Variants in PIGF observed in about 807,000 individuals in gnomAD.
PIGF encodes the protein GPI ethanolamine phosphate transferase, stabilizing subunit.
Under a neutral mutation model 26.0 loss-of-function variants are expected in PIGF, and 23 were observed. The observed-to-expected ratio is 0.88, with a 90% confidence interval of 0.64 to 1.25. The LOEUF (loss-of-function observed/expected upper bound fraction) is 1.25. PIGF is among the 50% of genes most tolerant of loss of function. The pLI, the probability that PIGF is intolerant of heterozygous loss-of-function variation, is 0.00. For missense variants in PIGF, 278 were observed against 249.9 expected (o/e 1.11, Z -0.76); for synonymous variants, 93 against 92.6 (o/e 1.00, Z -0.03).
At chr2:46,613,151 A>C (rs913942333) in intron 3 of PIGF, among the ~76,000 whole-genome samples, 2 of 152,040 alleles carry the variant, frequency 1.3e-5, no homozygotes, top group Non-Finnish European at 2.9e-5. Flanking sequence ...TCACTGCTAA[A>C]CTGAAGCTTC....
chr2:46,584,041 G>A (rs779030704), intron 5 of PIGF, among the ~76,000 whole-genome samples: 7 of 152,096 alleles, frequency 4.6e-5, no homozygotes, highest in Admixed American at 1.3e-4. Context: ...AGTGGAGCTT[G>A]GATTAATGGG....
In PIGF at chr2:46,589,911, T is replaced by A. The variant is rs1470312436; in HGVS notation, c.546+2564A>T. ...CTCATTTCTTTAGTTTATTAGTAAA[T>A]AACTGCTAAAAGGGCAAGGAGCAGA... On this transcript the variant is annotated intron_variant, in intron 5 of 5. Coordinates refer to ENST00000281382, the MANE Select transcript of PIGF (RefSeq NM_002643.4). The surrounding 1 kb of genome is among the most constrained non-coding windows in gnomAD (Gnocchi z 4.7). 6.6e-6 allele frequency among the ~76,000 whole-genome samples: 1 copy of A among 151,986 alleles called. No individual in the cohort carries two copies. The highest frequency in any genetic ancestry group is 1.5e-5 in the Non-Finnish European group (1 of 67,910).
chr2:46,613,742 C>T lies in PIGF; in HGVS notation c.272G>A (p.Cys91Tyr). ...AACAAAAATTACATGAAAGGAGAAA[C>T]AAGACATAAGAAAGTAGATACAGCA... ...LKCCIYFLMS[C>Y]FSFHVIFVLY... The change falls in exon 3 of 6, where the codon TGT (cysteine) becomes TAT (tyrosine). Residue 91 changes from cysteine (C) to tyrosine (Y), a missense_variant. Coordinates refer to ENST00000281382, the MANE Select transcript of PIGF (RefSeq NM_002643.4). 9 of 1,554,114 alleles carry T rather than the reference C, an allele frequency of 5.8e-6. No individual in the cohort carries two copies. Among genetic ancestry groups the T allele is most frequent in the Non-Finnish European group, 8.0e-6 (9 of 1,132,040 alleles).
intron 5 of PIGF, chr2:46,581,865 T>G: frequency 6.8e-6 from 2 of 295,474 alleles, no homozygotes; most frequent in Non-Finnish European, 1.2e-5. Flanking sequence ...CAAATTAAAA[T>G]TTTGGGTCAG....
intron 4 of PIGF, among the ~76,000 whole-genome samples, chr2:46,608,497 C>T (rs114679891): frequency 0.015 from 2,245 of 152,316 alleles, 28 homozygotes; most frequent in Middle Eastern, 0.044. Flanking sequence ...TCACAAATGT[C>T]CTCAATGGCA....
At chr2:46,596,847 G>A (rs1204091075) in intron 4 of PIGF, among the ~76,000 whole-genome samples, 1 of 152,126 alleles carries the variant, frequency 6.6e-6, no homozygotes, top group East Asian at 1.9e-4. Flanking sequence ...CAATAGTAAT[G>A]TCTACGTTAT....
intron 4 of PIGF, among the ~76,000 whole-genome samples, chr2:46,611,553 G>C (rs1380266317): frequency 6.6e-6 from 1 of 151,234 alleles, no homozygotes; most frequent in African/African-American, 2.4e-5. Context: ...CAATAACACA[G>C]AGCACAGACT....
intron 5 of PIGF, among the ~76,000 whole-genome samples, chr2:46,590,609 A>G (rs569955179): frequency 8.2e-4 from 124 of 151,824 alleles, no homozygotes; most frequent in African/African-American, 2.7e-3. Flanking sequence ...TTTAGATTTA[A>G]TTGCATTACT....
chr2:46,587,313 A>G (rs1028511590), intron 5 of PIGF, among the ~76,000 whole-genome samples: 1 of 152,192 alleles, frequency 6.6e-6, no homozygotes, highest in Non-Finnish European at 1.5e-5. Context: ...ATTTTGCAGT[A>G]ATTCATGTAG....
At chr2:46,602,980 A>G (rs1310133472) in intron 4 of PIGF, among the ~76,000 whole-genome samples, 1 of 152,056 alleles carries the variant, frequency 6.6e-6, no homozygotes, top group Non-Finnish European at 1.5e-5. Context: ...AGACTACCAA[A>G]AACTATTAGA....
intron 4 of PIGF, among the ~76,000 whole-genome samples, chr2:46,605,954 CA>C (rs887882110): frequency 7.9e-5 from 12 of 152,252 alleles, no homozygotes; most frequent in African/African-American, 2.9e-4. Flanking sequence ...AAATGTTTCA[CA>C]TTATAAATTG....
chr2:46,588,255 T>C lies in PIGF; in HGVS notation c.546+4220A>G, dbSNP rs541026302. The C allele has an allele frequency of 4.0e-4, 625 of 1,569,364 alleles. 2 individuals carry two copies. Among genetic ancestry groups the C allele is most frequent in the Non-Finnish European group, 3.3e-4 (380 of 1,160,142 alleles). ...TTGGCATAACTAAATACCAGAGAAA[T>C]AGATAAATTAACAGTCCACTCTACC... On this transcript the variant is annotated intron_variant, in intron 5 of 5. Coordinates refer to ENST00000281382, the MANE Select transcript of PIGF (RefSeq NM_002643.4). This position sits in a 1 kb window ranked among gnomAD's most constrained non-coding sequence, Gnocchi z 4.1.
intron 5 of PIGF, chr2:46,591,509 T>C (rs1669721803): frequency 4.6e-6 from 4 of 867,556 alleles, no homozygotes; most frequent in Non-Finnish European, 5.5e-6. Context: ...TTTAATACCA[T>C]AATTCTTTTT....
chr2:46,603,923 C>A (rs13033177), intron 4 of PIGF, among the ~76,000 whole-genome samples: 34,652 of 151,754 alleles, frequency 0.23, 4,780 homozygotes, highest in Admixed American at 0.32. Context: ...AAGAGACAAC[C>A]CACAGAATGG....
Position 46,613,790 on chromosome 2 carries a change from AAG to A in PIGF, c.229-7_229-6del. The A allele has an allele frequency of 6.5e-7, 1 of 1,529,794 alleles. No individual in the cohort carries two copies. The highest frequency in any genetic ancestry group is 8.9e-7 in the Non-Finnish European group (1 of 1,121,358). The allele number at this position is 1,529,794 out of a possible 1,614,324, so 94.8% of individuals were successfully genotyped here. A position where few individuals can be genotyped will look rare whatever the true frequency, so the allele number is the denominator to read the frequency against. ...GCATTTCAAAAATCCAGTTACCTAA[AAG>A]AGAAATGAATAACCTGAAGATTCAA... is the stretch of plus-strand genomic sequence containing the variant. On this transcript the variant is annotated splice_polypyrimidine_tract_variant and splice_region_variant and intron_variant, in intron 2 of 5. Coordinates refer to ENST00000281382, the MANE Select transcript of PIGF (RefSeq NM_002643.4).
chr2:46,598,531 T>TTTTTTTTTTTTC (rs1413194087), intron 4 of PIGF, among the ~76,000 whole-genome samples: 2 of 119,340 alleles, frequency 1.7e-5, no homozygotes, highest in African/African-American at 6.2e-5. Context: ...ATTATGAGAT[T>TTTTTTTTTTTTC]TTTTTTTTTT....
At chr2:46,605,531 C>T (rs1419373999) in intron 4 of PIGF, among the ~76,000 whole-genome samples, 1 of 152,056 alleles carries the variant, frequency 6.6e-6, no homozygotes, top group Non-Finnish European at 1.5e-5. Context: ...TCTTAAGAAC[C>T]TATTATTTGA....
intron 5 of PIGF, chr2:46,591,871 T>A (rs189751849): frequency 7.7e-7 from 1 of 1,303,804 alleles, no homozygotes; most frequent in Non-Finnish European, 1.0e-6. Flanking sequence ...CTGATGTTTG[T>A]GAGCTTTCTT....
intron 4 of PIGF, among the ~76,000 whole-genome samples, chr2:46,606,700 C>T (rs1322660062): frequency 1.3e-5 from 2 of 152,246 alleles, no homozygotes; most frequent in South Asian, 2.1e-4. Context: ...GAGCTTGCTT[C>T]TCAAACCCTT....
Sources: allele counts gnomAD v4.1 joint callset (sites outside exome capture counted in the v4.1 genomes callset), GRCh38; gene constraint gnomAD v4.1.1; non-coding constraint Gnocchi (gnomAD v3.1); transcripts MANE v1.5; gene names NCBI Gene and HGNC (gene_info 2026-07-23, HGNC 2026-07-21).